ACACA: variants seen among roughly 807,000 people sequenced by gnomAD.
ACACA encodes acetyl-CoA carboxylase 1.
A neutral mutation model predicts 296.1 loss-of-function variants in ACACA; 103 were observed. The ratio of observed to expected loss-of-function variants is 0.35; its 90% CI spans 0.30 to 0.41. The LOEUF (loss-of-function observed/expected upper bound fraction) is 0.41, where lower values mean the gene tolerates loss of function less well. Among genes scored for constraint, ACACA ranks in the 10% least tolerant of loss-of-function variants. ACACA has a pLI of 1.00. For missense variants in ACACA, 1,554 were observed against 2,989.7 expected (o/e 0.52, Z 11.20); for synonymous variants, 953 against 1,038.6 (o/e 0.92, Z 1.58).
At chr17:37,239,145 T>C (rs975960759) in intron 24 of ACACA, among the ~76,000 whole-genome samples, 4 of 152,162 alleles carry the variant, frequency 2.6e-5, no homozygotes, top group Admixed American at 1.3e-4. Flanking sequence ...TTTAATTTTT[T>C]TTTTCCTGAA....
intron 24 of ACACA, among the ~76,000 whole-genome samples, chr17:37,237,446 T>A (rs2080165346): frequency 1.3e-5 from 2 of 152,236 alleles, no homozygotes; most frequent in South Asian, 4.1e-4. Context: ...TGACCAACTG[T>A]TACCAAAGTG....
chr17:37,143,486 T>G, intron 45 of ACACA: 1 of 310,682 alleles, frequency 3.2e-6, no homozygotes, highest in Non-Finnish European at 6.1e-6. Context: ...TTAGTGGCTA[T>G]GAAAATACCA....
chr17:37,392,679 T>A (rs949500902), intron 1 of ACACA: 4 of 152,038 alleles, frequency 2.6e-5, no homozygotes, highest in Admixed American at 1.3e-4. Context: ...AAAAAATACA[T>A]AAACTGTATC....
At chr17:37,260,288 ATATATATATTT>A (rs1416783553) in intron 11 of ACACA, among the ~76,000 whole-genome samples, 1 of 24,060 alleles carries the variant, frequency 4.2e-5, no homozygotes, top group African/African-American at 1.9e-4. Flanking sequence ...ATATATATAT[ATATATATATTT>A]TTTTTTTTTT....
At chr17:37,238,900 C>T (rs1013799867) in intron 24 of ACACA, among the ~76,000 whole-genome samples, 50 of 152,134 alleles carry the variant, frequency 3.3e-4, no homozygotes, top group Non-Finnish European at 1.2e-4. Context: ...AATCATAGCT[C>T]ACTGCACCCT....
chr17:37,125,407 G>C (rs1222590102), intron 48 of ACACA, among the ~76,000 whole-genome samples: 1 of 152,058 alleles, frequency 6.6e-6, no homozygotes, highest in African/African-American at 2.4e-5. Flanking sequence ...GGTGGGCTCT[G>C]GCTATTGTAG....
chr17:37,381,058 C>A (rs573514495), intron 1 of ACACA, among the ~76,000 whole-genome samples: 4 of 151,960 alleles, frequency 2.6e-5, no homozygotes, highest in Admixed American at 2.0e-4. Flanking sequence ...TATTTCCTTC[C>A]GGAGATACTC....
intron 25 of ACACA, among the ~76,000 whole-genome samples, chr17:37,231,792 T>C (rs1422412446): frequency 6.6e-6 from 1 of 152,270 alleles, no homozygotes. Context: ...GTTGATACTT[T>C]GTATTTGTAC....
chr17:37,373,070 G>A (rs886739259), intron 1 of ACACA, among the ~76,000 whole-genome samples: 1 of 152,020 alleles, frequency 6.6e-6, no homozygotes, highest in Non-Finnish European at 1.5e-5. Context: ...TGGTGGAGAT[G>A]GGGTTTCACC....
intron 41 of ACACA, among the ~76,000 whole-genome samples, chr17:37,166,386 G>C (rs1476729812): frequency 1.3e-5 from 2 of 151,980 alleles, no homozygotes; most frequent in Non-Finnish European, 2.9e-5. Context: ...TGATCCTCCT[G>C]TCTCGGCCTC....
chr17:37,213,154 CACACACACACACACACAT>C (rs1233401801), intron 29 of ACACA, among the ~76,000 whole-genome samples: 3 of 148,574 alleles, frequency 2.0e-5, no homozygotes, highest in African/African-American at 7.4e-5. Context: ...TCCATCTTTA[CACACACACACACACACAT>C]ACACACACAC....
At position 37,097,927 on chromosome 17, in the gene ACACA, C is replaced by T. The variant is rs774440712; in HGVS notation, c.6623G>A (p.Arg2208Gln). Residue 2208 changes from arginine (R) to glutamine (Q), a missense_variant, in exon 53 of 56, where the codon CGG (arginine) becomes CAG (glutamine). Around this residue, in one of 16 missense-constraint regions of ACACA, gnomAD observed 553 missense variants for 1,043.6 expected, o/e 0.53. Transcript: ENST00000616317. The surrounding 1 kb of genome is among the most constrained non-coding windows in gnomAD (Gnocchi z 4.8). ...GTAAATGGGAATTAGGAATTCCTCC[C>T]GCTCCTTCAACTTGTTCTCCAACTC... is the stretch of plus-strand genomic sequence containing the variant. ...RKELENKLKE[R>Q]EEFLIPIYHQ... 24 of 1,614,032 alleles carry T rather than the reference C, an allele frequency of 1.5e-5. No homozygotes were observed. Among genetic ancestry groups the T allele is most frequent in the Non-Finnish European group, 1.7e-5 (20 of 1,180,026 alleles).
chr17:37,396,808 T>C (rs1012488850), intron 1 of ACACA, among the ~76,000 whole-genome samples: 4 of 152,152 alleles, frequency 2.6e-5, no homozygotes, highest in Non-Finnish European at 5.9e-5. Context: ...ACTCCCACTT[T>C]CAAAAAGTAT....
intron 52 of ACACA, among the ~76,000 whole-genome samples, chr17:37,108,790 A>C (rs1014976664): frequency 1.8e-4 from 27 of 152,210 alleles, no homozygotes; most frequent in Non-Finnish European, 4.4e-5. Flanking sequence ...AGAGAACGGC[A>C]ACACAAGATA....
chr17:37,337,346 T>G (rs535229952), intron 2 of ACACA, among the ~76,000 whole-genome samples: 176 of 149,218 alleles, frequency 1.2e-3, no homozygotes, highest in African/African-American at 4.2e-3. Context: ...AGCCCAGGAG[T>G]TCAAGACTGC....
At position 37,188,219 on chromosome 17, in the gene ACACA, G is replaced by A. The variant is rs1184672767; in HGVS notation, c.4776+58C>T. 5 of 1,518,368 alleles carry A rather than the reference G, an allele frequency of 3.3e-6. No individual in the cohort carries two copies. In the African/African-American group the frequency reaches 4.1e-5, roughly 12 times the overall value. The allele number at this position is 1,518,368 out of a possible 1,614,324, so 94.1% of individuals were successfully genotyped here. A position where few individuals can be genotyped will look rare whatever the true frequency, so the allele number is the denominator to read the frequency against. ...AGTGTGGGTCTTCTATAACAAGGAC[G>A]AGTGTCTTATCTGTAGGACCAAATC... is the stretch of plus-strand genomic sequence containing the variant. On this transcript the variant is annotated intron_variant, in intron 39 of 55. Transcript: ENST00000616317.
intron 3 of ACACA, among the ~76,000 whole-genome samples, chr17:37,286,666 C>T (rs1234200395): frequency 6.6e-6 from 1 of 152,282 alleles, no homozygotes; most frequent in Non-Finnish European, 1.5e-5. Flanking sequence ...ATAGAGGTAC[C>T]AGCAGCAGTG....
intron 1 of ACACA, chr17:37,358,881 C>G: frequency 1.1e-6 from 1 of 937,788 alleles, no homozygotes; most frequent in Non-Finnish European, 1.3e-6. Context: ...GTGTGGAGCC[C>G]AGGCCGCGTG....
At chr17:37,099,455 G>GGGAGGGCTGAGGGAT (rs1412809968) in intron 52 of ACACA, among the ~76,000 whole-genome samples, 1 of 131,238 alleles carries the variant, frequency 7.6e-6, no homozygotes, top group African/African-American at 2.9e-5. Context: ...GGCTGATGGC[G>GGGAGGGCTGAGGGAT]GGAGGGCTGA....
Sources: gnomAD v4.1 joint callset for allele counts (sites outside exome capture counted in the v4.1 genomes callset) on GRCh38, gnomAD v4.1.1 for gene constraint, gnomAD v4.1.1 regional missense constraint, Gnocchi (gnomAD v3.1) non-coding constraint, MANE v1.5 for transcripts, NCBI Gene and HGNC (gene_info 2026-07-23, HGNC 2026-07-21) for gene names.